The following GRIN2C variants were observed in gnomAD, a reference collection of about 807,000 sequenced individuals.
GRIN2C encodes glutamate ionotropic receptor NMDA type subunit 2C, also known as glutamate receptor ionotropic, NMDA 2C.
In GRIN2C, 64 loss-of-function variants were observed where a neutral mutation model predicts 77.7. The ratio of observed to expected loss-of-function variants is 0.82; its 90% CI spans 0.67 to 1.01. The LOEUF (loss-of-function observed/expected upper bound fraction) is 1.01, where lower values mean the gene tolerates loss of function less well. Ranked by LOEUF, GRIN2C falls within the 50% of genes least tolerant of loss-of-function variation. The pLI, the probability that GRIN2C is intolerant of heterozygous loss-of-function variation, is 0.00. For missense variants in GRIN2C, 1,549 were observed against 1,486.0 expected, an observed-to-expected ratio of 1.04 and a Z score of -0.70; for synonymous variants, 792 against 643.4, an observed-to-expected ratio of 1.23 and a Z score of -3.49.
At position 74,846,264 on chromosome 17, in the gene GRIN2C, G is replaced by C. The variant is rs1306432971; in HGVS notation, c.2163-11C>G. The C allele has an allele frequency of 1.2e-6, 2 of 1,613,302 alleles. No individual in the cohort carries two copies. The highest frequency in any genetic ancestry group is 1.7e-6 in the Non-Finnish European group (2 of 1,179,294). ...AAGGCATCCAGCTTCCTGGGGACAG[G>C]CTGAGCCTCAGAGCTAGGGACCATA... On this transcript the variant is annotated splice_polypyrimidine_tract_variant and intron_variant, in intron 10 of 12. Transcript: ENST00000293190. This position sits in a 1 kb window ranked among gnomAD's most constrained non-coding sequence, Gnocchi z 4.4.
Position 74,842,476 on chromosome 17 carries a change from A to G in GRIN2C, c.3661T>C (p.Cys1221Arg), listed in dbSNP as rs767719236. The G allele has an allele frequency of 4.0e-5, 31 of 777,484 alleles. No individual in the cohort carries two copies. Among genetic ancestry groups the G allele is most frequent in the Non-Finnish European group, 7.0e-5 (29 of 417,250 alleles). The allele number at this position is 777,484 out of a possible 1,614,324, so 48.2% of individuals were successfully genotyped here. A position where few individuals can be genotyped will look rare whatever the true frequency, so the allele number is the denominator to read the frequency against. ...AGACTGGAGATCCGTCTCCAGGTGC[A>G]GGGTCCCGGGAAGCCTTGCGTCCCA... ...ARGTQGFPGP[C>R]TWRRISSLES... Residue 1221 changes from cysteine (C) to arginine (R), a missense_variant, in exon 13 of 13, where the codon TGC becomes CGC. Physicochemically the swap from Cys to Arg is radical, Grantham distance 180 (BLOSUM62 -3). This residue lies in a region of GRIN2C where 450 missense variants were observed against 267.9 expected (regional missense o/e 1.68). Coordinates refer to ENST00000293190, the MANE Select transcript of GRIN2C (RefSeq NM_000835.6).
chr17:74,852,372 C>G lies in GRIN2C; in HGVS notation c.639G>C (p.Gln213His), dbSNP rs1284431505. 4 of 1,445,772 alleles carry G rather than the reference C, an allele frequency of 2.8e-6. No homozygotes were observed. The highest frequency in any genetic ancestry group is 3.6e-6 in the Non-Finnish European group (4 of 1,107,658). 89.6% of individuals were successfully genotyped at this position (1,445,772 alleles called of 1,614,324 possible). The change falls in exon 3 of 13, where the codon CAG (glutamine) becomes CAC (histidine). Residue 213 changes from glutamine to histidine, a missense_variant. Gln to His is a conservative substitution (Grantham distance 24). Transcript: ENST00000293190. ...GCGCGTCGAGCTGGCGCAGCAGGCG[C>G]TGCGTGCGCGCGCGCGGCCCTCCCG... ...LGPGGPRARTQRLLRQLDAPV... is the reference protein window; with the variant it reads ...LGPGGPRARTHRLLRQLDAPV...
At position 74,852,540 on chromosome 17, in the gene GRIN2C, C is replaced by G; in HGVS notation, c.471G>C (p.Leu157=). 1 of 1,561,678 alleles carries G rather than the reference C, an allele frequency of 6.4e-7. No individual in the cohort carries two copies. The highest frequency in any genetic ancestry group is 8.6e-7 in the Non-Finnish European group (1 of 1,161,210). The change falls in exon 3 of 13, where the codon CTG becomes CTC. Residue 157 remains leucine (L), a synonymous_variant. Coordinates refer to ENST00000293190, the MANE Select transcript of GRIN2C (RefSeq NM_000835.6). ...EQQLQVLFKV[L]EEYDWSAFAV... is the part of the protein sequence containing the mutation. ...CGAAGGCGCTCCAGTCGTACTCTTC[C>G]AGCACCTTGAACAGCACCTGCAGCT...
chr17:74,846,770 G>A lies in GRIN2C; in HGVS notation c.2152C>T (p.Leu718Phe). Reference protein sequence around the residue: ...QRSVEDALTSLKMGKLDAFIY... With the variant: ...QRSVEDALTSFKMGKLDAFIY... ...GGGCTGGGGACCCACCCCATCTTGA[G>A]GCTGGTGAGCGCGTCCTCCACCGAG... The change falls in exon 10 of 13, where the codon CTC (leucine) becomes TTC (phenylalanine). Residue 718 changes from leucine to phenylalanine, a missense_variant. Leu to Phe is a conservative substitution (Grantham distance 22). Around this residue, in one of 3 missense-constraint regions of GRIN2C, gnomAD observed 717 missense variants for 858.1 expected, o/e 0.84. Transcript: ENST00000293190. The surrounding 1 kb of genome is among the most constrained non-coding windows in gnomAD (Gnocchi z 4.4). 6.2e-7 allele frequency: 1 copy of A among 1,613,764 alleles called. No individual in the cohort carries two copies.
At position 74,846,257 on chromosome 17, in the gene GRIN2C, G is replaced by A; in HGVS notation, c.2163-4C>T. ...ATAGATGAAGGCATCCAGCTTCCTG[G>A]GGACAGGCTGAGCCTCAGAGCTAGG... On this transcript the variant is annotated splice_region_variant and splice_polypyrimidine_tract_variant and intron_variant, in intron 10 of 12. Coordinates refer to ENST00000293190, the MANE Select transcript of GRIN2C (RefSeq NM_000835.6). The surrounding 1 kb of genome is among the most constrained non-coding windows in gnomAD (Gnocchi z 4.4). 6.2e-7 allele frequency: 1 copy of A among 1,613,836 alleles called. No individual in the cohort carries two copies.
chr17:74,845,943 A>G (rs1024016107), intron 11 of GRIN2C, 123 bp downstream of exon 11: 3 of 891,880 alleles, frequency 3.4e-6, no homozygotes, highest in African/African-American at 1.6e-5. Context: ...AGCTGCCCCA[A>G]CCTCTCACCC....
rs1280776564 is a variant in GRIN2C at position 74,859,126 on chromosome 17, G to A, written c.-16+618C>T. 6.6e-6 allele frequency among the ~76,000 whole-genome samples: 1 copy of A among 152,128 alleles called. No individual in the cohort carries two copies. The highest frequency in any genetic ancestry group is 2.4e-5 in the African/African-American group (1 of 41,422). On this transcript the variant is annotated intron_variant, in intron 1 of 12. Coordinates refer to ENST00000293190, the MANE Select transcript of GRIN2C (RefSeq NM_000835.6). This position sits in a 1 kb window ranked among gnomAD's most constrained non-coding sequence, Gnocchi z 5.9. ...AACACCCTGCCCCACACTGGACTGC[G>A]GGCTCCTTGAGGGCAGACACATTGT... is the stretch of plus-strand genomic sequence containing the variant.
chr17:74,856,706 C>T (rs531148693), intron 1 of GRIN2C, among the ~76,000 whole-genome samples: 1 of 152,174 alleles, frequency 6.6e-6, no homozygotes, highest in South Asian at 2.1e-4. Flanking sequence ...GTCTCGATCT[C>T]CTGACCTCAT....
intron 7 of GRIN2C, among the ~76,000 whole-genome samples, 180 bp from the exon 8 acceptor site, chr17:74,848,157 G>T (rs1359567250): frequency 2.0e-5 from 3 of 152,150 alleles, no homozygotes; most frequent in Admixed American, 6.5e-5. Flanking sequence ...CCCAAAAGAG[G>T]TCAGGCTCTC....
rs148333702 is a variant in GRIN2C at position 74,846,139 on chromosome 17, G to T, written c.2277C>A (p.Tyr759Ter). Residue 759 changes from tyrosine to a stop codon, truncating the protein, a stop_gained, in exon 11 of 13, where the codon TAC becomes TAA. Coordinates refer to ENST00000293190, the MANE Select transcript of GRIN2C (RefSeq NM_000835.6). LOFTEE classifies it high-confidence loss of function. This position sits in a 1 kb window ranked among gnomAD's most constrained non-coding sequence, Gnocchi z 4.4. ...GSGKVFATTG[Y>*]GIAMQKDSHW... is the part of the protein sequence containing the mutation. ...GGGAGTCCTTCTGCATGGCGATGCC[G>T]TAGCCAGTGGTAGCAAAGACCTTGC... 2 of 1,614,036 alleles carry T rather than the reference G, an allele frequency of 1.2e-6. No homozygotes were observed.
chr17:74,853,356 AG>A (rs2037721542), intron 2 of GRIN2C: 1 of 152,230 alleles, frequency 6.6e-6, no homozygotes, highest in African/African-American at 2.4e-5. Flanking sequence ...CAGACAGAGG[AG>A]GGGCCCAGAG....
At position 74,849,946 on chromosome 17, in the gene GRIN2C, C is replaced by A; in HGVS notation, c.1492-13G>T. ...GCTTGTAGTACACCTGGGGGCCGGA[C>A]GCCACGGAGGTTTGAAAAAGGGGCT... On this transcript the variant is annotated splice_polypyrimidine_tract_variant and intron_variant, in intron 6 of 12. Coordinates refer to ENST00000293190, the MANE Select transcript of GRIN2C (RefSeq NM_000835.6). The surrounding 1 kb of genome is among the most constrained non-coding windows in gnomAD (Gnocchi z 4.6). The A allele has an allele frequency of 3.1e-6, 5 of 1,608,876 alleles. No individual in the cohort carries two copies. Among genetic ancestry groups the A allele is most frequent in the Non-Finnish European group, 4.2e-6 (5 of 1,178,234 alleles).
At position 74,842,798 on chromosome 17, in the gene GRIN2C, G is replaced by A; in HGVS notation, c.3339C>T (p.Ala1113=). The part of the protein sequence containing the change: ...PACARPDGHS[A]CRRLAQAQSM... ...ACTGCGCCTGCGCCAAGCGCCTGCAGGCCGAGTGGCCGTCGGGGCGGGCGC... is the reference window on the plus strand; with the variant it reads ...ACTGCGCCTGCGCCAAGCGCCTGCAAGCCGAGTGGCCGTCGGGGCGGGCGC... The change falls in exon 13 of 13, where the codon GCC becomes GCT. Residue 1113 remains alanine, a synonymous_variant. Transcript: ENST00000293190. The A allele has an allele frequency of 1.6e-6, 1 of 624,200 alleles. No individual in the cohort carries two copies. Among genetic ancestry groups the A allele is most frequent in the Non-Finnish European group, 2.8e-6 (1 of 353,132 alleles). 38.7% of individuals were successfully genotyped at this position (624,200 alleles called of 1,614,324 possible). A position where few individuals can be genotyped will look rare whatever the true frequency, so the allele number is the denominator to read the frequency against.
At chr17:74,855,731 G>A (rs1415045509) in intron 1 of GRIN2C, among the ~76,000 whole-genome samples, 3 of 143,864 alleles carry the variant, frequency 2.1e-5, no homozygotes, top group Admixed American at 7.3e-5. Context: ...AGTCTAAACC[G>A]GATCTTCCAT....
In GRIN2C at chr17:74,859,408, A is replaced by G. The variant is rs564255471; in HGVS notation, c.-16+336T>C. Among the ~76,000 whole-genome samples the G allele has an allele frequency of 6.6e-6, 1 of 151,712 alleles. No homozygotes were observed. The highest frequency in any genetic ancestry group is 2.0e-4 in the East Asian group (1 of 5,102). The stretch of plus-strand genomic sequence containing the variant: ...CACACATGCACACTCCCGCACTCAT[A>G]CCCGCTCACATCTGAGATACCGATG... On this transcript the variant is annotated intron_variant, in intron 1 of 12. Transcript: ENST00000293190. This position sits in a 1 kb window ranked among gnomAD's most constrained non-coding sequence, Gnocchi z 5.9.
Position 74,852,312 on chromosome 17 carries a change from G to C in GRIN2C, c.699C>G (p.Ala233=). The C allele has an allele frequency of 2.1e-6, 3 of 1,449,630 alleles. No homozygotes were observed. Among genetic ancestry groups the C allele is most frequent in the South Asian group, 1.4e-5 (1 of 73,844 alleles). 89.8% of individuals were successfully genotyped at this position (1,449,630 alleles called of 1,614,324 possible). A position where few individuals can be genotyped will look rare whatever the true frequency, so the allele number is the denominator to read the frequency against. ...GCGCCGCCTCGGCGAAGAGCACCTCGGCCTCCTCGCGCGAGCAGTAGGCCA... is the reference window on the plus strand; with the variant it reads ...GCGCCGCCTCGGCGAAGAGCACCTCCGCCTCCTCGCGCGAGCAGTAGGCCA... ...VFVAYCSREE[A]EVLFAEAAQA... The change falls in exon 3 of 13, where the codon GCC becomes GCG. Residue 233 remains alanine (A), a synonymous_variant. Coordinates refer to ENST00000293190, the MANE Select transcript of GRIN2C (RefSeq NM_000835.6).
chr17:74,843,530 C>G lies in GRIN2C; in HGVS notation c.2607G>C (p.Gly869=), dbSNP rs897910914. The change falls in exon 13 of 13, where the codon GGG becomes GGC. Residue 869 remains glycine (G), a synonymous_variant. Transcript: ENST00000293190. ...GCGGTGGGCTGGCGAGGCTCTGCACCCCGCTGAAGCAGCTGTAGATGCCCT... is the reference window on the plus strand; with the variant it reads ...GCGGTGGGCTGGCGAGGCTCTGCACGCCGCTGAAGCAGCTGTAGATGCCCT... ...FSRGIYSCFS[G]VQSLASPPRQ... 1.3e-5 allele frequency: 20 copies of G among 1,533,102 alleles called. No individual in the cohort carries two copies. The highest frequency in any genetic ancestry group is 1.6e-5 in the Non-Finnish European group (18 of 1,146,442). The allele number at this position is 1,533,102 out of a possible 1,614,324, so 95.0% of individuals were successfully genotyped here. A position where few individuals can be genotyped will look rare whatever the true frequency, so the allele number is the denominator to read the frequency against.
chr17:74,847,783 C>A lies in GRIN2C; in HGVS notation c.1771+69G>T. On this transcript the variant is annotated intron_variant, in intron 8 of 12. Coordinates refer to ENST00000293190, the MANE Select transcript of GRIN2C (RefSeq NM_000835.6). This position sits in a 1 kb window ranked among gnomAD's most constrained non-coding sequence, Gnocchi z 5.2. ...TCCCAAAGGTATTCTCTGAAGGACCCGTTGCCCCTGAGCCCAGCCCTCAGG... is the reference window on the plus strand; with the variant it reads ...TCCCAAAGGTATTCTCTGAAGGACCAGTTGCCCCTGAGCCCAGCCCTCAGG... 1 of 1,548,698 alleles carries A rather than the reference C, an allele frequency of 6.5e-7. No individual in the cohort carries two copies. Among genetic ancestry groups the A allele is most frequent in the East Asian group, 2.3e-5 (1 of 44,338 alleles).
intron 2 of GRIN2C, 111 bp downstream of exon 2, chr17:74,854,583 C>A: frequency 1.2e-6 from 1 of 824,142 alleles, no homozygotes; most frequent in Non-Finnish European, 2.0e-6. Flanking sequence ...GCCCTCAGCC[C>A]CCACCTCCCT....
Sources: gnomAD v4.1 joint callset for allele counts (sites outside exome capture counted in the v4.1 genomes callset) on GRCh38, gnomAD v4.1.1 for gene constraint, gnomAD v4.1.1 regional missense constraint, Gnocchi (gnomAD v3.1) non-coding constraint, MANE v1.5 for transcripts, NCBI Gene and HGNC (gene_info 2026-07-23, HGNC 2026-07-21) for gene names.